The following ELL variants were observed in gnomAD, a reference collection of about 807,000 sequenced individuals.
ELL encodes RNA polymerase II elongation factor ELL.
A neutral mutation model predicts 64.0 loss-of-function variants in ELL; 18 were observed. That is an observed-to-expected ratio of 0.28 (90% CI 0.19 to 0.42). The LOEUF (loss-of-function observed/expected upper bound fraction) is 0.42. ELL is among the 10% of genes least tolerant of loss of function. The pLI is 1.00. For missense variants in ELL, 797 were observed against 870.4 expected, an observed-to-expected ratio of 0.92 and a Z score of 1.06; for synonymous variants, 399 against 376.2, an observed-to-expected ratio of 1.06 and a Z score of -0.70.
chr19:18,487,829 T>A (rs1376116525), intron 1 of ELL, among the ~76,000 whole-genome samples: 1 of 152,174 alleles, frequency 6.6e-6, no homozygotes, highest in Non-Finnish European at 1.5e-5. Context: ...AAAAACAAAG[T>A]AGAGCCTTCC....
At chr19:18,466,598 G>A (rs1220726459) in intron 2 of ELL, among the ~76,000 whole-genome samples, 2 of 152,350 alleles carry the variant, frequency 1.3e-5, no homozygotes, top group Non-Finnish European at 2.9e-5. Context: ...CGGACAGCCA[G>A]GGGCAGGCAG....
intron 1 of ELL, among the ~76,000 whole-genome samples, chr19:18,479,222 C>A (rs902912299): frequency 2.9e-4 from 44 of 152,294 alleles, no homozygotes; most frequent in Middle Eastern, 3.4e-3. Context: ...AGGGATGCTG[C>A]TCAGCACACT....
In ELL at chr19:18,444,196, G is replaced by C. The variant is rs573386973; in HGVS notation, c.*556C>G. ...AGGCTGGGGAAAGGGGTGCCTAAACGTAGAGCCAGAGACCAGCAGAGGCCA... is the reference window on the plus strand; with the variant it reads ...AGGCTGGGGAAAGGGGTGCCTAAACCTAGAGCCAGAGACCAGCAGAGGCCA... On this transcript the variant is annotated 3_prime_UTR_variant, in exon 12 of 12. Transcript: ENST00000262809. 5.2e-5 allele frequency: 12 copies of C among 231,438 alleles called. No individual in the cohort carries two copies. The South Asian group carries it at 1.8e-3, about 35-fold the overall frequency. 14.3% of individuals were successfully genotyped at this position (231,438 alleles called of 1,614,324 possible). A position where few individuals can be genotyped will look rare whatever the true frequency, so the allele number is the denominator to read the frequency against.
At chr19:18,446,704 C>T (rs775616487) in intron 9 of ELL, 44 bp downstream of exon 9, 2 of 1,611,292 alleles carry the variant, frequency 1.2e-6, no homozygotes, top group Admixed American at 3.4e-5. Context: ...GGTCTGAACC[C>T]AGAAAAGGGA....
At chr19:18,477,664 G>C (rs1323584880) in intron 1 of ELL, among the ~76,000 whole-genome samples, 1 of 152,156 alleles carries the variant, frequency 6.6e-6, no homozygotes, top group Non-Finnish European at 1.5e-5. Flanking sequence ...TCCATGCCCA[G>C]TGAAAAGAGA....
chr19:18,461,903 T>G (rs1974823588), intron 4 of ELL, 51 bp from the exon 5 acceptor site: 1 of 1,572,128 alleles, frequency 6.4e-7, no homozygotes, highest in African/African-American at 1.3e-5. Context: ...TGCCGTGTCC[T>G]AAGCCAGTGC....
In ELL at chr19:18,485,054, G is replaced by T. The variant is rs1293030280; in HGVS notation, c.136-12172C>A. On this transcript the variant is annotated intron_variant, in intron 1 of 11. Coordinates refer to ENST00000262809, the MANE Select transcript of ELL (RefSeq NM_006532.4). ...TTCTGAGGTGAATGAGAACGCTCTA[G>T]GGCCTGACATGGGCCATCCCCTCAT... 5.3e-5 allele frequency among the ~76,000 whole-genome samples: 8 copies of T among 152,202 alleles called. No homozygotes were observed. The East Asian group carries it at 1.3e-3, about 26-fold the overall frequency.
intron 1 of ELL, among the ~76,000 whole-genome samples, chr19:18,488,533 G>A (rs1975463111): frequency 1.3e-5 from 2 of 152,216 alleles, no homozygotes; most frequent in Admixed American, 6.5e-5. Flanking sequence ...GGGAGGGGCT[G>A]CATGCTCCCA....
chr19:18,509,598 TACACACACACACACACACACACACACAC>T (rs1183127480), intron 1 of ELL, among the ~76,000 whole-genome samples: 5 of 81,876 alleles, frequency 6.1e-5, no homozygotes, highest in Admixed American at 1.1e-4. Context: ...CGCGCGCACA[TACACACACACACACACACACACACACAC>T]ACACACACAC....
chr19:18,511,789 T>A (rs1228015715), intron 1 of ELL, among the ~76,000 whole-genome samples: 5 of 150,968 alleles, frequency 3.3e-5, no homozygotes, highest in Admixed American at 2.6e-4. Context: ...GAGGCTGAGG[T>A]TGGAGGACTG....
At chr19:18,512,625 C>A (rs1976049655) in intron 1 of ELL, among the ~76,000 whole-genome samples, 3 of 152,162 alleles carry the variant, frequency 2.0e-5, no homozygotes, top group African/African-American at 7.2e-5. Flanking sequence ...AGAAAAAAAA[C>A]AATAAAACCC....
intron 10 of ELL, chr19:18,446,047 C>T (rs1052594755): frequency 2.0e-6 from 1 of 500,338 alleles, no homozygotes; most frequent in Admixed American, 3.7e-5. Flanking sequence ...CCGGCTCGCC[C>T]CCATCCAAGG....
intron 2 of ELL, among the ~76,000 whole-genome samples, chr19:18,468,580 C>A (rs1453755108): frequency 6.6e-6 from 1 of 152,222 alleles, no homozygotes; most frequent in South Asian, 2.1e-4. Flanking sequence ...GGGGACCACA[C>A]GTCCAGGGAA....
chr19:18,468,603 G>A (rs1450589706), intron 2 of ELL, among the ~76,000 whole-genome samples: 1 of 152,220 alleles, frequency 6.6e-6, no homozygotes, highest in African/African-American at 2.4e-5. Context: ...CAAAAAGAGT[G>A]GCTGTGGGAA....
intron 1 of ELL, among the ~76,000 whole-genome samples, chr19:18,478,671 G>T (rs1860515569): frequency 6.6e-6 from 1 of 152,224 alleles, no homozygotes; most frequent in Admixed American, 6.5e-5. Flanking sequence ...GGTCAGCTGG[G>T]TCTTCAAGGC....
intron 7 of ELL, 22 bp downstream of exon 7, chr19:18,451,530 A>ACC: frequency 6.9e-7 from 1 of 1,454,068 alleles, no homozygotes; most frequent in South Asian, 1.3e-5. Context: ...TGGGACAGTC[A>ACC]CCCCAGGCAT....
At chr19:18,519,538 G>A (rs1379721480) in intron 1 of ELL, among the ~76,000 whole-genome samples, 1 of 152,146 alleles carries the variant, frequency 6.6e-6, no homozygotes, top group Non-Finnish European at 1.5e-5. Context: ...TGGGAGCAGT[G>A]GCTCATGCCT....
chr19:18,465,852 T>A lies in ELL; in HGVS notation c.250A>T (p.Ile84Phe). Residue 84 changes from isoleucine to phenylalanine, a missense_variant, in exon 3 of 12, where the codon ATC (isoleucine) becomes TTC (phenylalanine). Coordinates refer to ENST00000262809, the MANE Select transcript of ELL (RefSeq NM_006532.4). Reference protein sequence around the residue: ...ARTFSFYLSNIGRDNPQGSFD... With the variant: ...ARTFSFYLSNFGRDNPQGSFD... Reference sequence around the variant, plus strand: ...CTGCCCTGGGGGTTGTCGCGGCCGATGTTGGAGAGGTAGAAGGAGAACGTC... The same window carrying A: ...CTGCCCTGGGGGTTGTCGCGGCCGAAGTTGGAGAGGTAGAAGGAGAACGTC... 1.5e-6 allele frequency: 2 copies of A among 1,348,580 alleles called. No homozygotes were observed. Among genetic ancestry groups the A allele is most frequent in the East Asian group, 2.8e-5 (1 of 36,130 alleles). The allele number at this position is 1,348,580 out of a possible 1,614,324, so 83.5% of individuals were successfully genotyped here.
chr19:18,465,058 C>T (rs989651427), intron 4 of ELL, among the ~76,000 whole-genome samples: 8 of 152,194 alleles, frequency 5.3e-5, no homozygotes, highest in Admixed American at 3.9e-4. Context: ...CTTCAGGGAG[C>T]CTGTTGATCT....
Sources: allele counts gnomAD v4.1 joint callset (sites outside exome capture counted in the v4.1 genomes callset), GRCh38; gene constraint gnomAD v4.1.1; transcripts MANE v1.5; gene names NCBI Gene and HGNC (gene_info 2026-07-23, HGNC 2026-07-21).